Variants in C1orf105 observed in about 807,000 individuals in gnomAD.
The protein encoded by C1orf105 is uncharacterized protein C1orf105.
In C1orf105, 17 loss-of-function variants were observed where a neutral mutation model predicts 20.8. The ratio of observed to expected loss-of-function variants is 0.82; its 90% confidence interval spans 0.56 to 1.23. The LOEUF (loss-of-function observed/expected upper bound fraction) is 1.23. Ranked by LOEUF, C1orf105 falls within the 50% of genes most tolerant of loss-of-function variation. C1orf105 has a pLI of 0.00. For missense variants in C1orf105, 219 were observed against 213.5 expected, an observed-to-expected ratio of 1.03 and a Z score of -0.16; for synonymous variants, 72 against 72.1, an observed-to-expected ratio of 1.00 and a Z score of 0.01.
At chr1:172,458,767 G>A (rs1649491850) in intron 4 of C1orf105, among the ~76,000 whole-genome samples, 1 of 152,156 alleles carries the variant, frequency 6.6e-6, no homozygotes. Context: ...GAACGAAGTT[G>A]GAGGTCTCAT....
chr1:172,442,609 G>A, intron 1 of C1orf105: 1 of 1,612,384 alleles, frequency 6.2e-7, no homozygotes. Flanking sequence ...GTTAGTCACA[G>A]GTTGAGCATA....
At position 172,436,732 on chromosome 1, in the gene C1orf105, T is replaced by G. The variant is rs151020851; in HGVS notation, c.22-8341T>G. On this transcript the variant is annotated intron_variant, in intron 1 of 6. Coordinates refer to ENST00000367727, the MANE Select transcript of C1orf105 (RefSeq NM_139240.4). Reference sequence around the variant, plus strand: ...AAAGCAATGGCAACAAAAGCCAAAATAGACAAATGGGATCTAATTAAACTA... The same window carrying G: ...AAAGCAATGGCAACAAAAGCCAAAAGAGACAAATGGGATCTAATTAAACTA... Among the ~76,000 whole-genome samples, 1,082 of 152,190 alleles carry G rather than the reference T, an allele frequency of 7.1e-3. 13 individuals are homozygous for G. The highest frequency in any genetic ancestry group is 0.025 in the African/African-American group (1,032 of 41,516).
At position 172,420,738 on chromosome 1, in the gene C1orf105, C is replaced by A; in HGVS notation, c.-148C>A. ...AGAAAAAGGCATACTGGTATTGAAACTGTAAACTGGCCTGTTTACTTCGTC... is the reference window on the plus strand; with the variant it reads ...AGAAAAAGGCATACTGGTATTGAAAATGTAAACTGGCCTGTTTACTTCGTC... On this transcript the variant is annotated 5_prime_UTR_variant, in exon 1 of 7. The change creates a new upstream start codon in the 5' untranslated region. Transcript: ENST00000367727. The A allele has an allele frequency of 1.4e-6, 1 of 695,628 alleles. No individual in the cohort carries two copies. 43.1% of individuals were successfully genotyped at this position (695,628 alleles called of 1,614,324 possible).
At chr1:172,452,936 G>T (rs780750529) in intron 3 of C1orf105, 7 of 1,530,318 alleles carry the variant, frequency 4.6e-6, no homozygotes, top group East Asian at 2.5e-5. Flanking sequence ...TGAGCTGGTC[G>T]TAAGGAAACC....
At chr1:172,462,383 A>G in intron 5 of C1orf105, 138 bp downstream of exon 5, 2 of 589,590 alleles carry the variant, frequency 3.4e-6, no homozygotes, top group Middle Eastern at 2.7e-4. Flanking sequence ...TTTTATTTTT[A>G]GGTTAAACCA....
In C1orf105 at chr1:172,456,306, C is replaced by T. The variant is rs192694873; in HGVS notation, c.199-109C>T. 4.3e-4 allele frequency: 402 copies of T among 924,778 alleles called. 2 individuals carry two copies. Among genetic ancestry groups the T allele is most frequent in the South Asian group, 2.7e-3 (186 of 68,844 alleles). The allele number at this position is 924,778 out of a possible 1,614,324, so 57.3% of individuals were successfully genotyped here. The stretch of plus-strand genomic sequence containing the variant: ...GACCAGAGTGCCCATCTCTGTTTTA[C>T]GGAAGGAAAAACTGTTACCTCTCTC... On this transcript the variant is annotated intron_variant, in intron 3 of 6. Coordinates refer to ENST00000367727, the MANE Select transcript of C1orf105 (RefSeq NM_139240.4).
chr1:172,448,898 C>T (rs1397439570), intron 3 of C1orf105, among the ~76,000 whole-genome samples: 3 of 152,174 alleles, frequency 2.0e-5, no homozygotes, highest in African/African-American at 7.2e-5. Context: ...CTACAACTCC[C>T]TACACCTGTG....
chr1:172,442,815 C>A lies in C1orf105; in HGVS notation c.22-2258C>A, dbSNP rs1647473126. ...AGATGAATTTGTCTCTGAGGCAGGA[C>A]AACACAGCCAAGTTCCTAGAAAAAG... On this transcript the variant is annotated intron_variant, in intron 1 of 6. Coordinates refer to ENST00000367727, the MANE Select transcript of C1orf105 (RefSeq NM_139240.4). 1.1e-5 allele frequency: 6 copies of A among 564,874 alleles called. No homozygotes were observed. In the South Asian group the frequency reaches 1.5e-4, roughly 14 times the overall value. The allele number at this position is 564,874 out of a possible 1,614,324, so 35.0% of individuals were successfully genotyped here.
At chr1:172,438,508 A>G (rs750670896) in intron 1 of C1orf105, among the ~76,000 whole-genome samples, 8 of 152,246 alleles carry the variant, frequency 5.3e-5, no homozygotes, top group Non-Finnish European at 1.2e-4. Flanking sequence ...AATTGCTACA[A>G]TCATATGATA....
chr1:172,462,521 A>T (rs1649771469), intron 5 of C1orf105, among the ~76,000 whole-genome samples: 1 of 152,218 alleles, frequency 6.6e-6, no homozygotes, highest in African/African-American at 2.4e-5. Context: ...AATTTCTTTG[A>T]TAATTCAGAT....
intron 1 of C1orf105, chr1:172,443,526 G>A (rs966235420): frequency 6.0e-6 from 1 of 166,946 alleles, no homozygotes; most frequent in African/African-American, 2.4e-5. Context: ...TCAAAACAAG[G>A]AAACTCTTGA....
intron 3 of C1orf105, among the ~76,000 whole-genome samples, chr1:172,450,059 A>T (rs772751733): frequency 1.8e-4 from 27 of 152,182 alleles, no homozygotes; most frequent in Non-Finnish European, 3.2e-4. Flanking sequence ...AGCAGGGTAT[A>T]GCGGTTTTTG....
At chr1:172,465,545 C>T (rs764171406) in intron 6 of C1orf105, 182 bp downstream of exon 6, 214 of 683,368 alleles carry the variant, frequency 3.1e-4, no homozygotes, top group Non-Finnish European at 5.0e-4. Context: ...TCTTTCACTC[C>T]AGCACCACCT....
Position 172,438,010 on chromosome 1 carries a change from G to A in C1orf105, c.22-7063G>A, listed in dbSNP as rs147816792. On this transcript the variant is annotated intron_variant, in intron 1 of 6. Transcript: ENST00000367727. ...AAATCCCAGGGCCCTTGAAAATTAC[G>A]TGAAATCTACTCTGCTCATGCTCTG... Among the ~76,000 whole-genome samples the A allele has an allele frequency of 2.7e-3, 411 of 152,058 alleles. 2 individuals are homozygous for A. Among genetic ancestry groups the A allele is most frequent in the African/African-American group, 9.1e-3 (376 of 41,458 alleles).
chr1:172,432,722 G>A (rs1268513982), intron 1 of C1orf105, among the ~76,000 whole-genome samples: 2 of 152,192 alleles, frequency 1.3e-5, no homozygotes, highest in East Asian at 1.9e-4. Flanking sequence ...CCAAAGGATC[G>A]CAGCTCCTCG....
At chr1:172,441,151 T>C (rs1405287434) in intron 1 of C1orf105, among the ~76,000 whole-genome samples, 1 of 152,248 alleles carries the variant, frequency 6.6e-6, no homozygotes, top group Admixed American at 6.5e-5. Flanking sequence ...ATTCTGCTTA[T>C]TGTGACACAT....
intron 1 of C1orf105, chr1:172,431,108 G>A (rs1255889875): frequency 7.8e-6 from 5 of 643,068 alleles, no homozygotes; most frequent in Non-Finnish European, 1.4e-5. Context: ...TAATAACCCT[G>A]CAATGGCTTT....
intron 2 of C1orf105, among the ~76,000 whole-genome samples, chr1:172,446,208 G>A (rs1321924114): frequency 1.6e-5 from 2 of 122,288 alleles, no homozygotes; most frequent in African/African-American, 4.9e-5. Context: ...TATAACGAAA[G>A]CAGATTATCA....
chr1:172,420,903 A>G lies in C1orf105; in HGVS notation c.18A>G (p.Leu6=), dbSNP rs752786171. The stretch of plus-strand genomic sequence containing the variant: ...TCTGAAAGATGGAAAAAAGAGAACT[A>G]AAGGTAGGAAAAAAATAAATGAAAC... The part of the protein sequence containing the change: MEKRE[L]KASVPKFDKI... Residue 6 remains leucine, a synonymous_variant, in exon 1 of 7, where the codon CTA becomes CTG. Coordinates refer to ENST00000367727, the MANE Select transcript of C1orf105 (RefSeq NM_139240.4). 6.2e-7 allele frequency: 1 copy of G among 1,608,794 alleles called. No homozygotes were observed. The highest frequency in any genetic ancestry group is 2.2e-5 in the East Asian group (1 of 44,800).
Sources: gnomAD v4.1 joint callset for allele counts (sites outside exome capture counted in the v4.1 genomes callset) on GRCh38, gnomAD v4.1.1 for gene constraint, MANE v1.5 for transcripts, NCBI Gene and HGNC (gene_info 2026-07-23, HGNC 2026-07-21) for gene names.